The following CABCOCO1 variants were observed in gnomAD, a reference collection of about 807,000 sequenced individuals.
CABCOCO1 encodes the protein ciliary-associated calcium-binding coiled-coil protein 1.
In CABCOCO1, 28 loss-of-function variants were observed where a neutral mutation model predicts 35.7. That is an observed-to-expected ratio of 0.78 (90% CI 0.58 to 1.07). The LOEUF (loss-of-function observed/expected upper bound fraction) is 1.07, where lower values mean the gene tolerates loss of function less well. CABCOCO1 is among the 50% of genes least tolerant of loss of function. The pLI is 0.00. For missense variants in CABCOCO1, 326 were observed against 309.2 expected (o/e 1.05, Z -0.41); for synonymous variants, 95 against 100.1 (o/e 0.95, Z 0.30).
At chr10:61,703,493 T>TTC (rs1840515060) in intron 5 of CABCOCO1, among the ~76,000 whole-genome samples, 1 of 152,158 alleles carries the variant, frequency 6.6e-6, no homozygotes, top group Non-Finnish European at 1.5e-5. Context: ...TCCTCAATAA[T>TTC]AAGCAAAATA....
At chr10:61,745,684 C>T (rs564132784) in intron 5 of CABCOCO1, among the ~76,000 whole-genome samples, 3 of 152,300 alleles carry the variant, frequency 2.0e-5, no homozygotes, top group African/African-American at 7.2e-5. Context: ...AAATCTGAAT[C>T]TTACGCAAAA....
intron 5 of CABCOCO1, among the ~76,000 whole-genome samples, chr10:61,706,182 C>T (rs898612823): frequency 6.6e-6 from 1 of 152,120 alleles, no homozygotes; most frequent in East Asian, 1.9e-4. Flanking sequence ...CCAAGAACCC[C>T]ATGATGTTCT....
Position 61,681,228 on chromosome 10 carries a change from T to C in CABCOCO1, c.250T>C (p.Leu84=). The C allele has an allele frequency of 6.4e-7, 1 of 1,564,324 alleles. No individual in the cohort carries two copies. Residue 84 remains leucine, a synonymous_variant, in exon 3 of 8, where the codon TTG becomes CTG. Coordinates refer to ENST00000648843, the MANE Select transcript of CABCOCO1 (RefSeq NM_001366906.2). Reference sequence around the variant, plus strand: ...ACTAGATTATTATGTATCTGGATTTTTGTGGGCTAGAGGAATGGATTTCTC... The same window carrying C: ...ACTAGATTATTATGTATCTGGATTTCTGTGGGCTAGAGGAATGGATTTCTC... ...ILLDYYVSGF[L]WARGMDFSII...
chr10:61,756,665 T>C (rs1207776923), intron 5 of CABCOCO1, among the ~76,000 whole-genome samples: 1 of 152,070 alleles, frequency 6.6e-6, no homozygotes, highest in Non-Finnish European at 1.5e-5. Context: ...TGGATGTATG[T>C]GTATAATCAG....
At chr10:61,706,061 A>G (rs1355743595) in intron 5 of CABCOCO1, among the ~76,000 whole-genome samples, 1 of 152,234 alleles carries the variant, frequency 6.6e-6, no homozygotes, top group East Asian at 1.9e-4. Context: ...CACAGTTTGA[A>G]TTATTACCTT....
At chr10:61,695,860 T>A (rs1840280653) in intron 5 of CABCOCO1, among the ~76,000 whole-genome samples, 1 of 151,766 alleles carries the variant, frequency 6.6e-6, no homozygotes, top group Non-Finnish European at 1.5e-5. Flanking sequence ...ATATGAGGAT[T>A]TTAATAGAGG....
chr10:61,686,018 G>C (rs750033872), intron 3 of CABCOCO1, 23 bp from the exon 4 acceptor site: 3 of 1,571,738 alleles, frequency 1.9e-6, no homozygotes, highest in Non-Finnish European at 2.6e-6. Flanking sequence ...TAATAATTAA[G>C]ATTTCTCTGG....
chr10:61,737,614 T>C (rs10821917), intron 5 of CABCOCO1, among the ~76,000 whole-genome samples: 61,386 of 152,080 alleles, frequency 0.4, 14,506 homozygotes, highest in Middle Eastern at 0.54. Context: ...CCATGGAATA[T>C]TATGCAGCCA....
chr10:61,708,379 T>C (rs1009533125), intron 5 of CABCOCO1, among the ~76,000 whole-genome samples: 6 of 152,086 alleles, frequency 3.9e-5, no homozygotes, highest in Admixed American at 1.3e-4. Flanking sequence ...AGTAGGTTCC[T>C]CCTCATTAAA....
At chr10:61,690,148 A>T (rs1451725038) in intron 4 of CABCOCO1, among the ~76,000 whole-genome samples, 3 of 152,130 alleles carry the variant, frequency 2.0e-5, no homozygotes, top group Non-Finnish European at 4.4e-5. Context: ...ATTCAGTGCC[A>T]TTTGTACCAG....
intron 5 of CABCOCO1, among the ~76,000 whole-genome samples, chr10:61,759,722 C>A (rs1240949475): frequency 6.6e-6 from 1 of 151,942 alleles, no homozygotes; most frequent in Non-Finnish European, 1.5e-5. Flanking sequence ...ATACACAGAG[C>A]ATCTAAAACT....
chr10:61,713,227 T>C (rs1282388364), intron 5 of CABCOCO1, among the ~76,000 whole-genome samples: 1 of 152,208 alleles, frequency 6.6e-6, no homozygotes, highest in African/African-American at 2.4e-5. Flanking sequence ...TTCACATCCC[T>C]TGTAAGTTGG....
intron 2 of CABCOCO1, among the ~76,000 whole-genome samples, chr10:61,677,087 A>AATG (rs1839537415): frequency 6.6e-6 from 1 of 151,042 alleles, no homozygotes; most frequent in Non-Finnish European, 1.5e-5. Flanking sequence ...TAATAATAAT[A>AATG]ATAATAAATT....
chr10:61,747,631 T>C (rs1449013568), intron 5 of CABCOCO1, among the ~76,000 whole-genome samples: 1 of 152,220 alleles, frequency 6.6e-6, no homozygotes, highest in Non-Finnish European at 1.5e-5. Flanking sequence ...TAGCAGAATT[T>C]CCCAACAGTA....
chr10:61,720,994 G>A (rs1480135224), intron 5 of CABCOCO1, among the ~76,000 whole-genome samples: 1 of 136,022 alleles, frequency 7.4e-6, no homozygotes, highest in Non-Finnish European at 1.5e-5. Flanking sequence ...GCGCGATCTC[G>A]GTTAACTGCA....
At chr10:61,738,027 A>G (rs1841463299) in intron 5 of CABCOCO1, among the ~76,000 whole-genome samples, 1 of 151,306 alleles carries the variant, frequency 6.6e-6, no homozygotes, top group Non-Finnish European at 1.5e-5. Flanking sequence ...AGCGTATACA[A>G]AAAAACAATA....
chr10:61,741,409 C>G (rs12571247), intron 5 of CABCOCO1, among the ~76,000 whole-genome samples: 18,040 of 152,104 alleles, frequency 0.12, 1,419 homozygotes, highest in African/African-American at 0.19. Flanking sequence ...ATCAACACAA[C>G]TTGGTGAATG....
intron 3 of CABCOCO1, among the ~76,000 whole-genome samples, chr10:61,682,946 A>G (rs1351477934): frequency 7.1e-6 from 1 of 140,536 alleles, no homozygotes; most frequent in East Asian, 2.0e-4. Context: ...GCTGGAGTGC[A>G]GTGGTGTGAT....
intron 5 of CABCOCO1, among the ~76,000 whole-genome samples, chr10:61,694,725 A>G (rs1341154357): frequency 6.6e-6 from 1 of 152,060 alleles, no homozygotes; most frequent in African/African-American, 2.4e-5. Flanking sequence ...GGGCATCTAC[A>G]AGTTTGGAAA....
Sources: gnomAD v4.1 joint callset for allele counts (sites outside exome capture counted in the v4.1 genomes callset) on GRCh38, gnomAD v4.1.1 for gene constraint, MANE v1.5 for transcripts, NCBI Gene and HGNC (gene_info 2026-07-23, HGNC 2026-07-21) for gene names.